The following ARHGEF10 variants were observed in gnomAD, a reference collection of about 807,000 sequenced individuals.
ARHGEF10 encodes Rho guanine nucleotide exchange factor (GEF) 10.
In ARHGEF10, 140 loss-of-function variants were observed where a neutral mutation model predicts 147.4. That is an observed-to-expected ratio of 0.95 (90% CI 0.83 to 1.09). ARHGEF10 has a LOEUF of 1.09. ARHGEF10 is among the 50% of genes least tolerant of loss of function. ARHGEF10 has a pLI of 0.00. For synonymous variants in ARHGEF10, 902 were observed against 695.8 expected (o/e 1.30, Z -4.67); for missense variants, 2,222 against 1,752.7 (o/e 1.27, Z -4.78).
chr8:1,892,000 AATAATATATATAGT>A lies in ARHGEF10; in HGVS notation c.1183-1558_1183-1545del, dbSNP rs1809567835. 2.0e-5 allele frequency among the ~76,000 whole-genome samples: 3 copies of A among 148,802 alleles called. No individual in the cohort carries two copies. In the South Asian group the frequency reaches 6.2e-4, roughly 31 times the overall value. On this transcript the variant is annotated intron_variant, in intron 11 of 28. Coordinates refer to ENST00000349830, the MANE Select transcript of ARHGEF10 (RefSeq NM_014629.4). ...TATACATAATATAGGTACACATATC[AATAATATATATAGT>A]ATAATATATAACATATTATATATAT...
chr8:1,841,733 C>T (rs531588228), intron 1 of ARHGEF10, among the ~76,000 whole-genome samples: 26 of 152,190 alleles, frequency 1.7e-4, no homozygotes, highest in African/African-American at 6.3e-4. Context: ...ATCGCAGCTG[C>T]TGCTCGTGGG....
intron 17 of ARHGEF10, among the ~76,000 whole-genome samples, chr8:1,906,011 A>G (rs1262598508): frequency 6.6e-6 from 1 of 152,344 alleles, no homozygotes; most frequent in Middle Eastern, 3.4e-3. Flanking sequence ...TCCTAAATCA[A>G]GAGTTCTTTT....
At chr8:1,869,120 G>A in intron 6 of ARHGEF10, 74 bp from the exon 7 acceptor site, 1 of 1,305,344 alleles carries the variant, frequency 7.7e-7, no homozygotes, top group South Asian at 1.2e-5. Flanking sequence ...ATCGGCGACT[G>A]TGGCCCTGTA....
intron 1 of ARHGEF10, among the ~76,000 whole-genome samples, chr8:1,827,102 A>G (rs1264168932): frequency 1.3e-5 from 2 of 152,176 alleles, no homozygotes; most frequent in East Asian, 3.9e-4. Context: ...AGGTCCGTCT[A>G]GGGAGGGGCA....
chr8:1,876,346 A>G (rs1807698531), intron 7 of ARHGEF10: 1 of 592,944 alleles, frequency 1.7e-6, no homozygotes, highest in Non-Finnish European at 3.0e-6. Context: ...ACTTGTGAGA[A>G]ACACCTGAAG....
intron 13 of ARHGEF10, among the ~76,000 whole-genome samples, chr8:1,895,480 A>T (rs932956818): frequency 6.6e-6 from 1 of 152,182 alleles, no homozygotes; most frequent in African/African-American, 2.4e-5. Flanking sequence ...AAATATGGAA[A>T]CAAAATTCTT....
In ARHGEF10 at chr8:1,928,580, C is replaced by T; in HGVS notation, c.2851C>T (p.Pro951Ser). 5 of 1,614,238 alleles carry T rather than the reference C, an allele frequency of 3.1e-6. No individual in the cohort carries two copies. Among genetic ancestry groups the T allele is most frequent in the Non-Finnish European group, 4.2e-6 (5 of 1,180,044 alleles). Residue 951 changes from proline to serine, a missense_variant, in exon 24 of 29, where the codon CCG (proline) becomes TCG (serine). Coordinates refer to ENST00000349830, the MANE Select transcript of ARHGEF10 (RefSeq NM_014629.4). Reference protein sequence around the residue: ...EEKRREPGAPPDPETPAVRAS... With the variant: ...EEKRREPGAPSDPETPAVRAS... ...GAAGCGCAGAGAGCCTGGGGCACCC[C>T]CGGACCCCGAGACCCCGGCCGTGAG...
At chr8:1,847,187 G>A (rs909099784) in intron 2 of ARHGEF10, among the ~76,000 whole-genome samples, 4 of 152,206 alleles carry the variant, frequency 2.6e-5, no homozygotes, top group Admixed American at 2.6e-4. Context: ...CCCAGCTGCT[G>A]GGGTTCAAAT....
chr8:1,862,550 C>G (rs1306987991), intron 4 of ARHGEF10, among the ~76,000 whole-genome samples: 3 of 152,298 alleles, frequency 2.0e-5, no homozygotes, highest in Non-Finnish European at 1.5e-5. Context: ...CCTTAATTTC[C>G]CGGAAGGCGG....
intron 10 of ARHGEF10, among the ~76,000 whole-genome samples, chr8:1,884,714 T>C (rs1808506917): frequency 6.6e-6 from 1 of 152,168 alleles, no homozygotes; most frequent in African/African-American, 2.4e-5. Flanking sequence ...TTTCCAGCCA[T>C]TTTGTGGATG....
chr8:1,855,558 CT>C (rs545496176), intron 2 of ARHGEF10, among the ~76,000 whole-genome samples: 1,855 of 144,334 alleles, frequency 0.013, 61 homozygotes, highest in Admixed American at 0.085. Flanking sequence ...ATTTTTGTAC[CT>C]TTTTTTTTTT....
intron 15 of ARHGEF10, among the ~76,000 whole-genome samples, chr8:1,900,485 C>T (rs1275284778): frequency 6.6e-6 from 1 of 152,052 alleles, no homozygotes; most frequent in Non-Finnish European, 1.5e-5. Context: ...GTTGTCTAGC[C>T]ACAAATCTAG....
At chr8:1,943,414 C>A (rs866480918) in intron 26 of ARHGEF10, among the ~76,000 whole-genome samples, 4 of 152,080 alleles carry the variant, frequency 2.6e-5, no homozygotes, top group South Asian at 2.1e-4. Flanking sequence ...GAAGTGTGGG[C>A]CTGCACACCT....
At chr8:1,921,611 G>T (rs1313597349) in intron 18 of ARHGEF10, among the ~76,000 whole-genome samples, 1 of 152,134 alleles carries the variant, frequency 6.6e-6, no homozygotes, top group Non-Finnish European at 1.5e-5. Flanking sequence ...GCAGGTGACT[G>T]TAGTCCCAGC....
Position 1,853,560 on chromosome 8 carries a change from A to G in ARHGEF10, c.38-4400A>G, listed in dbSNP as rs114844111. 4.8e-3 allele frequency among the ~76,000 whole-genome samples: 735 copies of G among 152,352 alleles called. 3 individuals carry two copies. Among genetic ancestry groups the G allele is most frequent in the African/African-American group, 0.017 (690 of 41,580 alleles). ...TGGGTTCTGAAGCTGGGGTTTTGAG[A>G]AGCGGGAATTCCTTCTGTGGCTGCA... On this transcript the variant is annotated intron_variant, in intron 2 of 28. Coordinates refer to ENST00000349830, the MANE Select transcript of ARHGEF10 (RefSeq NM_014629.4).
intron 7 of ARHGEF10, 84 bp downstream of exon 7, chr8:1,869,334 G>T: frequency 8.5e-7 from 1 of 1,174,640 alleles, no homozygotes; most frequent in South Asian, 1.2e-5. Context: ...TTTAGTGGAC[G>T]GCCCAGACGT....
intron 1 of ARHGEF10, chr8:1,826,201 G>A: frequency 7.0e-7 from 1 of 1,424,706 alleles, no homozygotes; most frequent in East Asian, 2.3e-5. Context: ...TGGGGGTGAA[G>A]TGAAGTTAAA....
At chr8:1,887,228 A>G (rs1388000361) in intron 11 of ARHGEF10, among the ~76,000 whole-genome samples, 1 of 152,246 alleles carries the variant, frequency 6.6e-6, no homozygotes, top group African/African-American at 2.4e-5. Flanking sequence ...AAAAGAAGGG[A>G]AAAGCACAGG....
chr8:1,848,979 C>T (rs906068949), intron 2 of ARHGEF10, among the ~76,000 whole-genome samples: 1 of 152,030 alleles, frequency 6.6e-6, no homozygotes, highest in African/African-American at 2.4e-5. Context: ...TATCTTAGTA[C>T]CGTTTACCTA....
Sources: gnomAD v4.1 joint callset for allele counts (sites outside exome capture counted in the v4.1 genomes callset) on GRCh38, gnomAD v4.1.1 for gene constraint, MANE v1.5 for transcripts, NCBI Gene and HGNC (gene_info 2026-07-23, HGNC 2026-07-21) for gene names.